The following KIF13B variants were observed in gnomAD, a reference collection of about 807,000 sequenced individuals.
KIF13B encodes the protein kinesin family member 13B.
KIF13B carries 127 observed loss-of-function variants against 222.0 expected under a neutral mutation model. That is an observed-to-expected ratio of 0.57 (90% CI 0.50 to 0.66). The LOEUF is 0.66. Ranked by LOEUF, KIF13B falls within the 30% of genes least tolerant of loss-of-function variation. The pLI is 0.00. For missense variants in KIF13B, 2,173 were observed against 2,379.0 expected, an observed-to-expected ratio of 0.91 and a Z score of 1.80; for synonymous variants, 976 against 919.0, an observed-to-expected ratio of 1.06 and a Z score of -1.12.
At chr8:29,230,099 C>T (rs771740329) in intron 2 of KIF13B, among the ~76,000 whole-genome samples, 7 of 152,142 alleles carry the variant, frequency 4.6e-5, no homozygotes, top group South Asian at 2.1e-4. Context: ...CTCATGCCCA[C>T]GGTAATCTTG....
chr8:29,149,514 C>T (rs1286288954), intron 15 of KIF13B, among the ~76,000 whole-genome samples: 1 of 152,198 alleles, frequency 6.6e-6, no homozygotes, highest in Non-Finnish European at 1.5e-5. Context: ...ACCACATGTA[C>T]AGCCCCAGGT....
intron 22 of KIF13B, among the ~76,000 whole-genome samples, chr8:29,133,086 G>C (rs867107347): frequency 3.3e-5 from 5 of 152,054 alleles, no homozygotes; most frequent in African/African-American, 1.2e-4. Flanking sequence ...AAGTATTTTG[G>C]CTTTAAACGG....
At position 29,202,193 on chromosome 8, in the gene KIF13B, A is replaced by G. The variant is rs188084489; in HGVS notation, c.150-5994T>C. Among the ~76,000 whole-genome samples, 780 of 152,356 alleles carry G rather than the reference A, an allele frequency of 5.1e-3. 8 individuals are homozygous for G. Among genetic ancestry groups the G allele is most frequent in the African/African-American group, 0.018 (728 of 41,588 alleles). ...GGAGCGGGTAAGATGAGAGGAAGAC[A>G]GGCTGCCCAGCCTCAAAGCTGAGGG... On this transcript the variant is annotated intron_variant, in intron 2 of 39. Transcript: ENST00000524189.
intron 2 of KIF13B, among the ~76,000 whole-genome samples, chr8:29,244,071 T>C (rs1815908713): frequency 6.6e-6 from 1 of 152,182 alleles, no homozygotes; most frequent in African/African-American, 2.4e-5. Flanking sequence ...TGGAGTGCAG[T>C]GGTGTGATCT....
intron 37 of KIF13B, among the ~76,000 whole-genome samples, chr8:29,079,242 C>T (rs528637492): frequency 6.6e-5 from 10 of 152,204 alleles, no homozygotes; most frequent in African/African-American, 2.4e-4. Flanking sequence ...AATCGTGTTC[C>T]ATCTAGTGAA....
intron 2 of KIF13B, among the ~76,000 whole-genome samples, chr8:29,207,674 A>G (rs548813864): frequency 6.6e-6 from 1 of 152,144 alleles, no homozygotes; most frequent in East Asian, 1.9e-4. Context: ...TATTCAGAAT[A>G]TACTTGAATC....
chr8:29,109,579 AC>A, intron 33 of KIF13B, 68 bp from the exon 34 acceptor site: 1 of 1,271,972 alleles, frequency 7.9e-7, no homozygotes, highest in Admixed American at 1.7e-5. Flanking sequence ...AACACCATGT[AC>A]AGCAGACTTG....
intron 10 of KIF13B, among the ~76,000 whole-genome samples, chr8:29,173,944 A>AT (rs1812366535): frequency 7.2e-6 from 1 of 139,216 alleles, no homozygotes; most frequent in Non-Finnish European, 1.5e-5. Flanking sequence ...CTCCGTCTCA[A>AT]AAAAAAAAAA....
chr8:29,234,868 G>A (rs1240579112), intron 2 of KIF13B, among the ~76,000 whole-genome samples: 2 of 152,008 alleles, frequency 1.3e-5, no homozygotes, highest in African/African-American at 2.4e-5. Context: ...GCTGGGAGCC[G>A]GAAGAGGGCA....
chr8:29,261,367 G>A (rs1816674675), intron 1 of KIF13B, among the ~76,000 whole-genome samples: 1 of 152,308 alleles, frequency 6.6e-6, no homozygotes, highest in African/African-American at 2.4e-5. Flanking sequence ...GAAACCAATG[G>A]GGAAAGGGAG....
At chr8:29,170,958 T>C (rs1245127358) in intron 10 of KIF13B, among the ~76,000 whole-genome samples, 4 of 149,084 alleles carry the variant, frequency 2.7e-5, no homozygotes, top group Admixed American at 1.3e-4. Context: ...TAAGGGCCTA[T>C]AGACAGTTAC....
Position 29,070,311 on chromosome 8 carries a change from C to A in KIF13B, c.*193G>T, listed in dbSNP as rs892240392. On this transcript the variant is annotated 3_prime_UTR_variant, in exon 40 of 40. Coordinates refer to ENST00000524189, the MANE Select transcript of KIF13B (RefSeq NM_015254.4). This position sits in a 1 kb window ranked among gnomAD's most constrained non-coding sequence, Gnocchi z 4.1. ...CCTGAGGAGGCACAGTTGAGGCCCC[C>A]ACTTTACCCGGGTACAGAAGAAACA... The A allele has an allele frequency of 1.6e-6, 1 of 630,824 alleles. No homozygotes were observed. The highest frequency in any genetic ancestry group is 2.7e-6 in the Non-Finnish European group (1 of 369,842). The allele number at this position is 630,824 out of a possible 1,614,324, so 39.1% of individuals were successfully genotyped here.
chr8:29,203,446 C>T (rs1174196514), intron 2 of KIF13B, among the ~76,000 whole-genome samples: 1 of 152,158 alleles, frequency 6.6e-6, no homozygotes, highest in African/African-American at 2.4e-5. Context: ...TCTTAAACAG[C>T]CTATGTTACT....
chr8:29,251,681 G>A (rs1167323949), intron 1 of KIF13B, among the ~76,000 whole-genome samples: 1 of 152,114 alleles, frequency 6.6e-6, no homozygotes, highest in East Asian at 1.9e-4. Flanking sequence ...AACATTCTGC[G>A]AATAGATGGT....
At chr8:29,125,905 G>A (rs563670696) in intron 26 of KIF13B, among the ~76,000 whole-genome samples, 3 of 152,152 alleles carry the variant, frequency 2.0e-5, no homozygotes, top group South Asian at 2.1e-4. Flanking sequence ...TCAGGAATTC[G>A]GGACCAGCCG....
At chr8:29,142,592 C>T (rs965205615) in intron 18 of KIF13B, among the ~76,000 whole-genome samples, 1 of 152,132 alleles carries the variant, frequency 6.6e-6, no homozygotes, top group South Asian at 2.1e-4. Flanking sequence ...GTAATCCCAG[C>T]ACTTTGGGAG....
chr8:29,192,629 G>A (rs1196393380), intron 3 of KIF13B, among the ~76,000 whole-genome samples: 1 of 152,144 alleles, frequency 6.6e-6, no homozygotes, highest in Admixed American at 6.5e-5. Flanking sequence ...TTTGATGTTG[G>A]CAGGAGAATG....
chr8:29,261,245 C>T (rs1050868182), intron 1 of KIF13B, among the ~76,000 whole-genome samples: 1 of 152,196 alleles, frequency 6.6e-6, no homozygotes, highest in Non-Finnish European at 1.5e-5. Flanking sequence ...AGCTCACATC[C>T]GTTCCACAGC....
At chr8:29,146,815 A>T (rs1418025107) in intron 17 of KIF13B, among the ~76,000 whole-genome samples, 1 of 152,188 alleles carries the variant, frequency 6.6e-6, no homozygotes, top group Non-Finnish European at 1.5e-5. Context: ...TCATCAACTC[A>T]AGATTCTGTC....
Sources: gnomAD v4.1 joint callset for allele counts (sites outside exome capture counted in the v4.1 genomes callset) on GRCh38, gnomAD v4.1.1 for gene constraint, Gnocchi (gnomAD v3.1) non-coding constraint, MANE v1.5 for transcripts, NCBI Gene and HGNC (gene_info 2026-07-23, HGNC 2026-07-21) for gene names.